A2ML1: variants seen among roughly 807,000 people sequenced by gnomAD.
A2ML1 encodes the protein alpha-2-macroglobulin-like protein 1.
In A2ML1, 161 loss-of-function variants were observed where a neutral mutation model predicts 181.9. The ratio of observed to expected loss-of-function variants is 0.89; its 90% CI spans 0.78 to 1.01. A2ML1 has a LOEUF of 1.01. Among genes scored for constraint, A2ML1 ranks in the 50% least tolerant of loss-of-function variants. A2ML1 has a pLI of 0.00. For synonymous variants in A2ML1, 663 were observed against 666.8 expected (o/e 0.99, Z 0.09); for missense variants, 1,670 against 1,768.1 (o/e 0.94, Z 1.00).
chr12:8,835,569 C>T lies in A2ML1; in HGVS notation c.546C>T (p.Asp182=). 6.2e-7 allele frequency: 1 copy of T among 1,614,156 alleles called. No individual in the cohort carries two copies. Residue 182 remains aspartate (D), a synonymous_variant, in exon 6 of 36, where the codon GAC becomes GAT. Coordinates refer to ENST00000299698, the MANE Select transcript of A2ML1 (RefSeq NM_144670.6). ...TGGTACCTGAGCAAGGCATTGTAGA[C>T]CTGTCCTTCCAACTGGCACCAGAGG... is the stretch of plus-strand genomic sequence containing the variant. The part of the protein sequence containing the change: ...LEVVPEQGIV[D]LSFQLAPEAM...
At chr12:8,873,984 G>C (rs1454578996) in intron 33 of A2ML1, among the ~76,000 whole-genome samples, 1 of 151,862 alleles carries the variant, frequency 6.6e-6, no homozygotes, top group African/African-American at 2.4e-5. Context: ...GGTACATAGA[G>C]GGTTTCAGAG....
intron 26 of A2ML1, among the ~76,000 whole-genome samples, chr12:8,860,546 T>TG (rs1198333085): frequency 6.6e-6 from 1 of 152,132 alleles, no homozygotes; most frequent in Non-Finnish European, 1.5e-5. Flanking sequence ...GATGCGGTGA[T>TG]GCGGCAGATT....
At chr12:8,838,507 A>C (rs1452669687) in intron 9 of A2ML1, 57 bp downstream of exon 9, 3 of 1,397,570 alleles carry the variant, frequency 2.1e-6, no homozygotes, top group Non-Finnish European at 3.0e-6. Context: ...GGCTGGTCCC[A>C]GGGACAGATT....
At chr12:8,829,177 T>C (rs1286168232) in intron 3 of A2ML1, among the ~76,000 whole-genome samples, 1 of 152,200 alleles carries the variant, frequency 6.6e-6, no homozygotes, top group East Asian at 1.9e-4. Context: ...TTGTTCAGTT[T>C]GGTGTTACTG....
rs769869013 is a variant in A2ML1, at chr12:8,868,331, A to C, written c.4035A>C (p.Arg1345=). 3.7e-6 allele frequency: 6 copies of C among 1,613,588 alleles called. No homozygotes were observed. The highest frequency in any genetic ancestry group is 5.1e-6 in the Non-Finnish European group (6 of 1,179,912). The part of the protein sequence containing the change: ...KARCEQPTSP[R]SLTLTIHTSY... The stretch of plus-strand genomic sequence containing the variant: ...GATGTGAGCAACCGACTTCACCTCG[A>C]TCCTTGACTCTCACTATTCACACCA... The change falls in exon 31 of 36, where the codon CGA becomes CGC. Residue 1345 remains arginine (R), a synonymous_variant. Transcript: ENST00000299698.
intron 28 of A2ML1, among the ~76,000 whole-genome samples, chr12:8,862,480 C>T (rs1031332035): frequency 3.3e-5 from 5 of 152,178 alleles, no homozygotes; most frequent in East Asian, 1.9e-4. Flanking sequence ...GAATTACAAG[C>T]GTGAGCCATT....
rs771584570 is a variant in A2ML1, at chr12:8,882,090, T to C, written c.*94+1474T>C. Reference sequence around the variant, plus strand: ...TGAGATAGTGGGATATAAAGGGTCATGTCAACCATTAAAGAAAGAAATCTG... The same window carrying C: ...TGAGATAGTGGGATATAAAGGGTCACGTCAACCATTAAAGAAAGAAATCTG... On this transcript the variant is annotated intron_variant and NMD_transcript_variant, in intron 7 of 7. Coordinates refer to the A2ML1 transcript ENST00000537475. 2.3e-4 allele frequency among the ~76,000 whole-genome samples: 35 copies of C among 152,082 alleles called. No homozygotes were observed. In the East Asian group the frequency reaches 5.4e-3, roughly 23 times the overall value.
At chr12:8,884,830 A>G (rs1944906356) in intron 7 of A2ML1, among the ~76,000 whole-genome samples, 1 of 152,174 alleles carries the variant, frequency 6.6e-6, no homozygotes, top group African/African-American at 2.4e-5. Flanking sequence ...AGCTTCATCC[A>G]TGTTCCCATG....
rs750669272 is a variant in A2ML1, at chr12:8,867,847, T to C, written c.3723T>C (p.Thr1241=). Residue 1241 remains threonine, a synonymous_variant, in exon 30 of 36, where the codon ACT becomes ACC. Transcript: ENST00000299698. The part of the protein sequence containing the change: ...AYGGFSSTQD[T]VVALQALAKY... ...CGTTTGGTTGTTTCCCTCAGGATAC[T>C]GTAGTTGCTCTCCAAGCTCTTGCCA... 3.7e-6 allele frequency: 6 copies of C among 1,614,076 alleles called. No homozygotes were observed. The highest frequency in any genetic ancestry group is 5.1e-6 in the Non-Finnish European group (6 of 1,179,882).
At position 8,858,040 on chromosome 12, in the gene A2ML1, G is replaced by A. The variant is rs1373732337; in HGVS notation, c.3202G>A (p.Gly1068Arg). ...NIQDALKWMAGNQLPSGCYAN... is the reference protein window; with the variant it reads ...NIQDALKWMARNQLPSGCYAN... ...CCAGGATGCTCTCAAGTGGATGGCA[G>A]GAAACCAGCTCCCCAGTGGCTGCTA... Residue 1068 changes from glycine (G) to arginine (R), a missense_variant, in exon 26 of 36, where the codon GGA becomes AGA. Transcript: ENST00000299698. The A allele has an allele frequency of 3.7e-6, 6 of 1,614,012 alleles. No individual in the cohort carries two copies. Among genetic ancestry groups the A allele is most frequent in the Non-Finnish European group, 5.1e-6 (6 of 1,180,040 alleles).
intron 21 of A2ML1, 31 bp downstream of exon 21, chr12:8,854,280 C>A: frequency 6.4e-7 from 1 of 1,567,434 alleles, no homozygotes; most frequent in Admixed American, 1.8e-5. Context: ...GAGACAGCAA[C>A]CAACCGAGGG....
At chr12:8,855,317 A>C (rs1208588173) in intron 22 of A2ML1, among the ~76,000 whole-genome samples, 192 bp from the exon 23 acceptor site, 1 of 152,192 alleles carries the variant, frequency 6.6e-6, no homozygotes, top group Non-Finnish European at 1.5e-5. Flanking sequence ...AGTGTGCAGC[A>C]CGATGATGAC....
At chr12:8,878,018 A>G (rs995500725), downstream of A2ML1, among the ~76,000 whole-genome samples, 8 of 152,126 alleles carry the variant, frequency 5.3e-5, no homozygotes, top group South Asian at 2.1e-4. The surrounding 1 kb of genome is among the most constrained non-coding windows in gnomAD (Gnocchi z 4.4). Context: ...AAAGAATGCA[A>G]TCGGCCCAGT....
chr12:8,823,653 G>A (rs1942822661), intron 2 of A2ML1, 67 bp from the exon 3 acceptor site: 6 of 1,546,634 alleles, frequency 3.9e-6, no homozygotes, highest in African/African-American at 2.7e-5. Context: ...TCACTGTTGG[G>A]TTGAGACCAG....
chr12:8,876,566 G>A lies in A2ML1; in HGVS notation c.*510G>A, dbSNP rs1944806083. The A allele has an allele frequency of 6.6e-6, 1 of 152,182 alleles. No individual in the cohort carries two copies. 9.4% of individuals were successfully genotyped at this position (152,182 alleles called of 1,614,324 possible). A position where few individuals can be genotyped will look rare whatever the true frequency, so the allele number is the denominator to read the frequency against. ...CACGGGCCTGTAATCGCAGCCCCTT[G>A]GAAGGCCAAGGCAGGAGAATCGCCT... On this transcript the variant is annotated 3_prime_UTR_variant, in exon 36 of 36. Transcript: ENST00000299698.
chr12:8,875,049 A>T, intron 35 of A2ML1, 37 bp downstream of exon 35: 1 of 1,605,906 alleles, frequency 6.2e-7, no homozygotes, highest in Non-Finnish European at 8.5e-7. Flanking sequence ...GTTATGGGTT[A>T]GGGTGGCAGA....
In A2ML1 at chr12:8,869,117, TC is replaced by T. The variant is rs1565493951; in HGVS notation, c.4153-17del. 1.2e-6 allele frequency: 2 copies of T among 1,613,716 alleles called. No homozygotes were observed. Among genetic ancestry groups the T allele is most frequent in the African/African-American group, 2.7e-5 (2 of 74,886 alleles). On this transcript the variant is annotated splice_polypyrimidine_tract_variant and intron_variant, in intron 32 of 35. Coordinates refer to ENST00000299698, the MANE Select transcript of A2ML1 (RefSeq NM_144670.6). ...GCTCTGGCTCTTAGTATCTTTTTTT[TC>T]TCCCTCTCTTATTCAGCTTCTCCAG...
In A2ML1 at chr12:8,842,279, G is replaced by C. The variant is rs527991501; in HGVS notation, c.1248+743G>C. Among the ~76,000 whole-genome samples the C allele has an allele frequency of 6.6e-5, 10 of 150,894 alleles. No homozygotes were observed. In the South Asian group the frequency reaches 2.1e-3, roughly 32 times the overall value. On this transcript the variant is annotated intron_variant, in intron 11 of 35. Transcript: ENST00000299698. Reference sequence around the variant, plus strand: ...GTCACCCAGGCTGGAGTGCAGTGGCGTGATCTCGGCTCACTGCAAGCTCCG... The same window carrying C: ...GTCACCCAGGCTGGAGTGCAGTGGCCTGATCTCGGCTCACTGCAAGCTCCG...
chr12:8,884,972 T>G (rs1256217984), intron 7 of A2ML1, among the ~76,000 whole-genome samples: 1 of 152,252 alleles, frequency 6.6e-6, no homozygotes, highest in Non-Finnish European at 1.5e-5. Flanking sequence ...TGAATAGTGC[T>G]GCAATGAACA....
Sources: allele counts gnomAD v4.1 joint callset (sites outside exome capture counted in the v4.1 genomes callset), GRCh38; gene constraint gnomAD v4.1.1; non-coding constraint Gnocchi (gnomAD v3.1); transcripts MANE v1.5; gene names NCBI Gene and HGNC (gene_info 2026-07-23, HGNC 2026-07-21).